The following FSD1L variants were observed in gnomAD, a reference collection of about 807,000 sequenced individuals.
FSD1L encodes the protein FSD1-like protein.
A neutral mutation model predicts 71.6 loss-of-function variants in FSD1L; 45 were observed. The ratio of observed to expected loss-of-function variants is 0.63; its 90% CI spans 0.49 to 0.81. The LOEUF is 0.81. FSD1L is among the 30% of genes least tolerant of loss of function. FSD1L has a pLI of 0.00. For synonymous variants in FSD1L, 197 were observed against 207.2 expected, an observed-to-expected ratio of 0.95 and a Z score of 0.42; for missense variants, 561 against 618.1, an observed-to-expected ratio of 0.91 and a Z score of 0.98.
chr9:105,459,797 G>T (rs1427604256), intron 1 of FSD1L, among the ~76,000 whole-genome samples: 2 of 152,222 alleles, frequency 1.3e-5, no homozygotes, highest in South Asian at 4.1e-4. Flanking sequence ...CAGCTGGCTT[G>T]TCCATTCTGA....
chr9:105,525,338 A>G lies in FSD1L; in HGVS notation c.1026-9155A>G, dbSNP rs1022290244. On this transcript the variant is annotated intron_variant, in intron 10 of 13. Coordinates refer to ENST00000481272, the MANE Select transcript of FSD1L (RefSeq NM_001145313.3). ...GGTGTTACTAGTCCTGAATGCTTAC[A>G]GAGAACTGGAATCTCACTTAATATT... 5.6e-6 allele frequency: 9 copies of G among 1,593,818 alleles called. No homozygotes were observed. In the African/African-American group the frequency reaches 1.2e-4, roughly 22 times the overall value.
intron 1 of FSD1L, among the ~76,000 whole-genome samples, chr9:105,451,036 T>G (rs2131558985): frequency 6.6e-6 from 1 of 152,182 alleles, no homozygotes; most frequent in Non-Finnish European, 1.5e-5. Context: ...CTTGGCTCAC[T>G]GCAAGCTCCA....
At chr9:105,522,203 A>G (rs1211667956) in intron 10 of FSD1L, 3 of 1,613,898 alleles carry the variant, frequency 1.9e-6, no homozygotes, top group Non-Finnish European at 2.5e-6. Context: ...CAGTATTGTC[A>G]TCGTTGACCT....
At chr9:105,499,664 G>A (rs1833648927) in intron 7 of FSD1L, among the ~76,000 whole-genome samples, 2 of 150,444 alleles carry the variant, frequency 1.3e-5, no homozygotes, top group South Asian at 4.2e-4. Flanking sequence ...TGTGTGTATG[G>A]CAGGGAGCAT....
chr9:105,498,672 C>G (rs1157041770), intron 7 of FSD1L, among the ~76,000 whole-genome samples: 1 of 152,188 alleles, frequency 6.6e-6, no homozygotes, highest in Non-Finnish European at 1.5e-5. Flanking sequence ...CCTCTAAGCA[C>G]TATTTTCGTT....
At chr9:105,465,591 G>C (rs1433660710) in intron 3 of FSD1L, among the ~76,000 whole-genome samples, 1 of 152,110 alleles carries the variant, frequency 6.6e-6, no homozygotes, top group Non-Finnish European at 1.5e-5. Flanking sequence ...GGGATGCAAG[G>C]ATGGTTCAAC....
intron 7 of FSD1L, among the ~76,000 whole-genome samples, chr9:105,500,473 T>C (rs1196549906): frequency 6.6e-6 from 1 of 152,180 alleles, no homozygotes; most frequent in Non-Finnish European, 1.5e-5. Flanking sequence ...GAGTAGCTCA[T>C]TGGAGTTGGA....
chr9:105,492,600 A>G (rs1046664235), intron 7 of FSD1L, among the ~76,000 whole-genome samples: 5 of 151,900 alleles, frequency 3.3e-5, no homozygotes, highest in African/African-American at 1.2e-4. Flanking sequence ...TTAGGGTGTG[A>G]ATTTTGGATC....
At chr9:105,445,895 C>A (rs2131540727), upstream of FSD1L, among the ~76,000 whole-genome samples, 1 of 152,330 alleles carries the variant, frequency 6.6e-6, no homozygotes, top group South Asian at 2.1e-4. Context: ...TGCCACTACT[C>A]CTTTCAGCTG....
intron 5 of FSD1L, 22 bp from the exon 6 acceptor site, chr9:105,479,332 C>T (rs1394960076): frequency 1.3e-6 from 2 of 1,550,334 alleles, no homozygotes; most frequent in Admixed American, 2.0e-5. Flanking sequence ...CCTTCTTTCT[C>T]TTCTCCCTGA....
intron 10 of FSD1L, among the ~76,000 whole-genome samples, chr9:105,517,971 C>G (rs189447428): frequency 2.0e-5 from 3 of 152,022 alleles, no homozygotes; most frequent in African/African-American, 7.2e-5. Context: ...GGAATATTTA[C>G]GAAGCAAATG....
In FSD1L at chr9:105,549,490, GT is replaced by G. The variant is rs1036747192; in HGVS notation, c.*3008del. On this transcript the variant is annotated 3_prime_UTR_variant, in exon 14 of 14. Coordinates refer to ENST00000481272, the MANE Select transcript of FSD1L (RefSeq NM_001145313.3). The stretch of plus-strand genomic sequence containing the variant: ...CCAGGTGTACGTAAACTAACTGAAA[GT>G]ATTAAGGACATGCCTGTCTATACAT... 3.3e-5 allele frequency: 5 copies of G among 152,114 alleles called. No individual in the cohort carries two copies. In the South Asian group the frequency reaches 6.2e-4, roughly 19 times the overall value. 9.4% of individuals were successfully genotyped at this position (152,114 alleles called of 1,614,324 possible).
At chr9:105,483,821 G>T (rs1414408836) in intron 6 of FSD1L, among the ~76,000 whole-genome samples, 1 of 152,090 alleles carries the variant, frequency 6.6e-6, no homozygotes, top group Non-Finnish European at 1.5e-5. Flanking sequence ...GGTATTCATT[G>T]ATAGTGATTT....
chr9:105,478,718 T>A (rs980280856), intron 5 of FSD1L, among the ~76,000 whole-genome samples: 3 of 152,282 alleles, frequency 2.0e-5, no homozygotes, highest in Non-Finnish European at 4.4e-5. Flanking sequence ...GTTGGTAGCA[T>A]GTATGAAATC....
chr9:105,515,901 G>A (rs182941406), intron 10 of FSD1L, among the ~76,000 whole-genome samples: 26 of 152,142 alleles, frequency 1.7e-4, no homozygotes, highest in African/African-American at 5.5e-4. Flanking sequence ...CTGGCTGGGC[G>A]GGTCCCACCC....
chr9:105,524,282 G>C (rs1422685208), intron 10 of FSD1L: 2 of 1,612,552 alleles, frequency 1.2e-6, no homozygotes, highest in Non-Finnish European at 1.7e-6. Context: ...TTCACATGCT[G>C]GTTCATTATG....
chr9:105,486,678 C>G (rs1489471193), intron 7 of FSD1L, among the ~76,000 whole-genome samples: 1 of 152,120 alleles, frequency 6.6e-6, no homozygotes, highest in Non-Finnish European at 1.5e-5. Flanking sequence ...AATATAATTT[C>G]CATCTGAGTG....
rs1400698589 is a variant in FSD1L at position 105,448,097 on chromosome 9, C to T, written c.-124C>T. 27 of 1,107,046 alleles carry T rather than the reference C, an allele frequency of 2.4e-5. No individual in the cohort carries two copies. The highest frequency in any genetic ancestry group is 2.0e-4 in the Middle Eastern group (1 of 5,008). 68.6% of individuals were successfully genotyped at this position (1,107,046 alleles called of 1,614,324 possible). On this transcript the variant is annotated 5_prime_UTR_variant, in exon 1 of 14. Coordinates refer to ENST00000481272, the MANE Select transcript of FSD1L (RefSeq NM_001145313.3). ...CGGTCTGGGCGCGGACGGGTGGGGC[C>T]GGGCGGTGCCGGTGCGGGCTGGGGC...
At position 105,505,402 on chromosome 9, in the gene FSD1L, T is replaced by G. The variant is rs138528175; in HGVS notation, c.587-997T>G. Among the ~76,000 whole-genome samples, 1,406 of 152,168 alleles carry G rather than the reference T, an allele frequency of 9.2e-3. 22 individuals are homozygous for G. The highest frequency in any genetic ancestry group is 0.032 in the African/African-American group (1,346 of 41,532). ...CAGCCTCATGAGTAGCTGGGATTACTGGCGCATGCCACCACACCTGGCTAA... is the reference window on the plus strand; with the variant it reads ...CAGCCTCATGAGTAGCTGGGATTACGGGCGCATGCCACCACACCTGGCTAA... On this transcript the variant is annotated intron_variant, in intron 7 of 13. Transcript: ENST00000481272.
Sources: allele counts gnomAD v4.1 joint callset (sites outside exome capture counted in the v4.1 genomes callset), GRCh38; gene constraint gnomAD v4.1.1; transcripts MANE v1.5; gene names NCBI Gene and HGNC (gene_info 2026-07-23, HGNC 2026-07-21).